Variants in HERC2 observed in about 807,000 individuals in gnomAD.
HERC2 encodes E3 ubiquitin-protein ligase HERC2.
HERC2 carries 102 observed loss-of-function variants against 537.7 expected under a neutral mutation model. That is an observed-to-expected ratio of 0.19 (90% confidence interval 0.16 to 0.22). The LOEUF (loss-of-function observed/expected upper bound fraction) is 0.22. HERC2 is among the 10% of genes least tolerant of loss of function. HERC2 has a pLI of 1.00. For synonymous variants in HERC2, 2,224 were observed against 2,466.2 expected (o/e 0.90, Z 2.91); for missense variants, 4,236 against 6,198.2 (o/e 0.68, Z 10.63).
chr15:28,217,200 A>G (rs1464144117), intron 38 of HERC2, among the ~76,000 whole-genome samples: 1 of 152,022 alleles, frequency 6.6e-6, no homozygotes, highest in African/African-American at 2.4e-5. Context: ...TCATTCGCAC[A>G]CCCAGTAATC....
chr15:28,213,985 A>G lies in HERC2; in HGVS notation c.6556-13T>C. The G allele has an allele frequency of 6.2e-7, 1 of 1,612,532 alleles. No individual in the cohort carries two copies. Among genetic ancestry groups the G allele is most frequent in the Non-Finnish European group, 8.5e-7 (1 of 1,178,548 alleles). ...CCTCTAACTGGGCCTAGTGCAGACCAAACAGCGAGCTCGACAGAGACACTC... is the reference window on the plus strand; with the variant it reads ...CCTCTAACTGGGCCTAGTGCAGACCGAACAGCGAGCTCGACAGAGACACTC... On this transcript the variant is annotated splice_polypyrimidine_tract_variant and intron_variant, in intron 41 of 92. Transcript: ENST00000261609.
At chr15:28,294,770 T>C (rs1434467947) in intron 3 of HERC2, among the ~76,000 whole-genome samples, 3 of 152,128 alleles carry the variant, frequency 2.0e-5, no homozygotes, top group East Asian at 1.9e-4. Flanking sequence ...CCGTGTGGCA[T>C]GCGGTGTCCC....
intron 65 of HERC2, among the ~76,000 whole-genome samples, 155 bp downstream of exon 65, chr15:28,174,240 G>A (rs1019999198): frequency 3.9e-5 from 6 of 151,978 alleles, no homozygotes; most frequent in African/African-American, 9.7e-5. Flanking sequence ...TGTATAAATC[G>A]CATGAGAGCA....
At position 28,192,091 on chromosome 15, in the gene HERC2, T is replaced by G. The variant is rs761229059; in HGVS notation, c.8321A>C (p.Gln2774Pro). The change falls in exon 53 of 93, where the codon CAG becomes CCG. Residue 2774 changes from glutamine to proline, a missense_variant. By Grantham distance (76) the Gln-to-Pro change is moderately conservative. Coordinates refer to ENST00000261609, the MANE Select transcript of HERC2 (RefSeq NM_004667.6). ...CCAGCTGTCCAGCAGCATGCCTGGC[T>G]GGCTGCTGTGGCAACGCTTCAGCTG... The part of the protein sequence containing the change: ...GKQLKRCHSS[Q>P]PGMLLDSWSR... 1 of 1,614,028 alleles carries G rather than the reference T, an allele frequency of 6.2e-7. No individual in the cohort carries two copies. Among genetic ancestry groups the G allele is most frequent in the South Asian group, 1.1e-5 (1 of 91,078 alleles).
chr15:28,315,074 C>T (rs190054009), intron 2 of HERC2, among the ~76,000 whole-genome samples: 1 of 152,336 alleles, frequency 6.6e-6, no homozygotes, highest in African/African-American at 2.4e-5. Flanking sequence ...CACCTCTTCT[C>T]AATGAGCTGC....
chr15:28,242,314 C>A (rs1054359405), intron 23 of HERC2, among the ~76,000 whole-genome samples: 4 of 152,198 alleles, frequency 2.6e-5, no homozygotes, highest in Admixed American at 2.6e-4. Flanking sequence ...TATACACACC[C>A]TTCCAAGAAA....
intron 2 of HERC2, among the ~76,000 whole-genome samples, chr15:28,313,191 CATTTT>C (rs1309191045): frequency 1.3e-5 from 1 of 78,980 alleles, no homozygotes; most frequent in African/African-American, 4.0e-5. Flanking sequence ...ACAGTTAAGG[CATTTT>C]TTTTTTTTTT....
Position 28,168,588 on chromosome 15 carries a change from T to C in HERC2, c.10232A>G (p.Asp3411Gly), listed in dbSNP as rs769950337. Residue 3411 changes from aspartate to glycine, a missense_variant and splice_region_variant, in exon 67 of 93, where the codon GAT (aspartate) becomes GGT (glycine). Physicochemically the swap from Asp to Gly is moderately conservative, Grantham distance 94 (BLOSUM62 -1). Around this residue, in one of 27 missense-constraint regions of HERC2, gnomAD observed 356 missense variants for 450.9 expected, o/e 0.79. Transcript: ENST00000261609. The part of the protein sequence containing the change: ...LTALQIMYAR[D>G]AVVGALMPAA... ...CGGCATCAGGGCCCCGACAACAGCA[T>C]CTCTGTCAGGACACAAAGCCAGGCC... 1.2e-6 allele frequency: 2 copies of C among 1,613,226 alleles called. No individual in the cohort carries two copies. The highest frequency in any genetic ancestry group is 1.7e-6 in the Non-Finnish European group (2 of 1,179,542).
chr15:28,112,963 G>T, intron 92 of HERC2, 108 bp downstream of exon 92: 1 of 808,190 alleles, frequency 1.2e-6, no homozygotes, highest in Non-Finnish European at 1.9e-6. Flanking sequence ...TTTCTGTAAA[G>T]ACTCAAGAGG....
chr15:28,252,867 C>T (rs190302570), intron 20 of HERC2, among the ~76,000 whole-genome samples: 146 of 152,306 alleles, frequency 9.6e-4, no homozygotes, highest in African/African-American at 3.2e-3. Flanking sequence ...CTACTAAGTT[C>T]GTTTTTCTGG....
At chr15:28,125,494 A>T (rs1889381765) in intron 83 of HERC2, among the ~76,000 whole-genome samples, 1 of 152,172 alleles carries the variant, frequency 6.6e-6, no homozygotes, top group Non-Finnish European at 1.5e-5. Flanking sequence ...AGCCTCCAAC[A>T]GTGTTAGTTC....
chr15:28,239,186 TGAAAATTA>T (rs2140713296), intron 23 of HERC2, among the ~76,000 whole-genome samples: 1 of 152,268 alleles, frequency 6.6e-6, no homozygotes, highest in East Asian at 1.9e-4. Flanking sequence ...AAAATGACTA[TGAAAATTA>T]GAAAATGTGT....
Position 28,269,428 on chromosome 15 carries a change from C to T in HERC2, c.1266G>A (p.Leu422=), listed in dbSNP as rs766961688. Residue 422 remains leucine, a synonymous_variant, in exon 11 of 93, where the codon TTG becomes TTA. Coordinates refer to ENST00000261609, the MANE Select transcript of HERC2 (RefSeq NM_004667.6). ...CSSPTSHKGS[L]QEVIGWGLIG... is the part of the protein sequence containing the mutation. ...TTAACCCCCAACCTATGACCTCTTG[C>T]AATGATCCCTGTAAGATAAGAAAGT... 6.2e-6 allele frequency: 10 copies of T among 1,610,798 alleles called. No homozygotes were observed. The East Asian group carries it at 1.6e-4, about 25-fold the overall frequency.
At position 28,257,095 on chromosome 15, in the gene HERC2, A is replaced by C. The variant is rs776977813; in HGVS notation, c.2483T>G (p.Val828Gly). 1.9e-6 allele frequency: 3 copies of C among 1,613,862 alleles called. No homozygotes were observed. The highest frequency in any genetic ancestry group is 2.5e-6 in the Non-Finnish European group (3 of 1,179,796). ...DWPPPQEKEC[V>G]AVATLNLLRL... ...TAGAAGATTCAGCGTTGCCACGGCC[A>C]CACACTCTTTCTCCTGGGGCGGGGG... The change falls in exon 17 of 93, where the codon GTG becomes GGG. Residue 828 changes from valine (V) to glycine (G), a missense_variant. Around this residue, in one of 27 missense-constraint regions of HERC2, gnomAD observed 754 missense variants for 1,085.0 expected, o/e 0.69. Coordinates refer to ENST00000261609, the MANE Select transcript of HERC2 (RefSeq NM_004667.6).
chr15:28,169,142 TCA>T (rs749167589), intron 66 of HERC2, among the ~76,000 whole-genome samples: 6 of 152,366 alleles, frequency 3.9e-5, no homozygotes, highest in South Asian at 2.1e-4. Flanking sequence ...CTCAGCCTTC[TCA>T]AGTGAGCGAA....
chr15:28,199,972 C>A (rs1220376381), intron 48 of HERC2, among the ~76,000 whole-genome samples: 1 of 152,094 alleles, frequency 6.6e-6, no homozygotes, highest in Non-Finnish European at 1.5e-5. Flanking sequence ...TTGTGTCCCC[C>A]CCACCAAAAT....
intron 34 of HERC2, 54 bp from the exon 35 acceptor site, chr15:28,228,463 G>C (rs1018874352): frequency 1.3e-6 from 2 of 1,538,966 alleles, no homozygotes; most frequent in Non-Finnish European, 1.8e-6. Context: ...AAGAATAAAC[G>C]TAACGCAGAA....
chr15:28,272,777 G>A (rs77770808), intron 8 of HERC2, 117 bp downstream of exon 8: 47 of 667,912 alleles, frequency 7.0e-5, no homozygotes, highest in East Asian at 7.0e-4. Context: ...ATGGTTCTCC[G>A]TACAGAGTAC....
At chr15:28,262,015 C>G (rs142047751) in intron 15 of HERC2, among the ~76,000 whole-genome samples, 2,844 of 152,280 alleles carry the variant, frequency 0.019, 39 homozygotes, top group Non-Finnish European at 0.034. Context: ...CTGCCAGGTC[C>G]ACCTACTTCA....
Sources: gnomAD v4.1 joint callset for allele counts (sites outside exome capture counted in the v4.1 genomes callset) on GRCh38, gnomAD v4.1.1 for gene constraint, gnomAD v4.1.1 regional missense constraint, MANE v1.5 for transcripts, NCBI Gene and HGNC (gene_info 2026-07-23, HGNC 2026-07-21) for gene names.